ANKRD30A: variants seen among roughly 807,000 people sequenced by gnomAD.
The protein encoded by ANKRD30A is ankyrin repeat domain 30A.
A neutral mutation model predicts 166.3 loss-of-function variants in ANKRD30A; 170 were observed. That is an observed-to-expected ratio of 1.02 (90% CI 0.90 to 1.16). The LOEUF is 1.16. Ranked by LOEUF, ANKRD30A falls within the 50% of genes most tolerant of loss-of-function variation. ANKRD30A has a pLI of 0.00. For synonymous variants in ANKRD30A, 564 were observed against 508.9 expected (o/e 1.11, Z -1.46); for missense variants, 1,630 against 1,518.0 (o/e 1.07, Z -1.23).
At chr10:37,221,897 G>C (rs1842918831) in intron 34 of ANKRD30A, among the ~76,000 whole-genome samples, 2 of 151,294 alleles carry the variant, frequency 1.3e-5, no homozygotes, top group Admixed American at 6.6e-5. Context: ...ACATTATACT[G>C]TTCTCCAAAA....
intron 31 of ANKRD30A, among the ~76,000 whole-genome samples, chr10:37,215,979 T>A (rs1304484090): frequency 6.6e-6 from 1 of 151,392 alleles, no homozygotes; most frequent in African/African-American, 2.4e-5. Context: ...TTTCTGGGGC[T>A]TTGCTTTTCA....
At chr10:37,212,791 A>G (rs1842407226) in intron 31 of ANKRD30A, among the ~76,000 whole-genome samples, 1 of 151,952 alleles carries the variant, frequency 6.6e-6, no homozygotes, top group South Asian at 2.1e-4. Flanking sequence ...ATGGCCAGCT[A>G]GCTTTCCCAA....
At chr10:37,193,285 C>A in intron 27 of ANKRD30A, 27 bp downstream of exon 27, 2 of 1,594,396 alleles carry the variant, frequency 1.3e-6, no homozygotes, top group South Asian at 1.1e-5. Flanking sequence ...TAATTTTACT[C>A]TGGAAAGAAG....
chr10:37,207,747 A>G (rs1236014365), intron 31 of ANKRD30A, among the ~76,000 whole-genome samples: 2 of 152,020 alleles, frequency 1.3e-5, no homozygotes, highest in African/African-American at 2.4e-5. Context: ...AATATATTCA[A>G]TAAAGTGTTT....
At chr10:37,217,990 G>A in intron 33 of ANKRD30A, 112 bp downstream of exon 33, 1 of 706,004 alleles carries the variant, frequency 1.4e-6, no homozygotes, top group Non-Finnish European at 2.1e-6. Context: ...AAACAAAAAT[G>A]TTGTCTTAAA....
intron 15 of ANKRD30A, among the ~76,000 whole-genome samples, chr10:37,160,461 A>G (rs1232686914): frequency 6.6e-6 from 1 of 152,166 alleles, no homozygotes; most frequent in Non-Finnish European, 1.5e-5. Context: ...CCCCCGGTGT[A>G]TTTGTTGAAC....
chr10:37,259,943 C>T, the ANKRD30A span, among the ~76,000 whole-genome samples: 1 of 152,016 alleles, frequency 6.6e-6, no homozygotes, highest in African/African-American at 2.4e-5. Context: ...ACTAAATATA[C>T]AGAATTATTT....
At chr10:37,126,980 G>A (rs529400929) in intron 1 of ANKRD30A, among the ~76,000 whole-genome samples, 8 of 137,172 alleles carry the variant, frequency 5.8e-5, no homozygotes, top group African/African-American at 1.4e-4. Context: ...CCGGTAGGCG[G>A]AGATTGCAGA....
chr10:37,159,480 T>G (rs945150285), intron 15 of ANKRD30A, among the ~76,000 whole-genome samples: 1 of 152,086 alleles, frequency 6.6e-6, no homozygotes, highest in Non-Finnish European at 1.5e-5. Flanking sequence ...CTTTTGCCAC[T>G]TTAGCTTGAG....
the ANKRD30A span, among the ~76,000 whole-genome samples, chr10:37,261,029 C>T: frequency 3.2e-4 from 49 of 152,046 alleles, no homozygotes; most frequent in South Asian, 9.8e-3. Context: ...ACTTTACCCC[C>T]AAATGTAAAA....
intron 17 of ANKRD30A, 51 bp downstream of exon 17, chr10:37,162,899 T>C (rs1209304650): frequency 6.3e-7 from 1 of 1,587,328 alleles, no homozygotes; most frequent in Non-Finnish European, 8.6e-7. Flanking sequence ...ATATTGGACA[T>C]TTTGATGGTC....
chr10:37,129,983 C>T lies in ANKRD30A; in HGVS notation c.312C>T (p.Gly104=), dbSNP rs369569719. 5.4e-5 allele frequency: 85 copies of T among 1,570,956 alleles called. No homozygotes were observed. The East Asian group carries it at 7.9e-4, about 15-fold the overall frequency. The change falls in exon 2 of 36, where the codon GGC becomes GGT. Residue 104 remains glycine (G), a synonymous_variant. Coordinates refer to ENST00000361713, the MANE Select transcript of ANKRD30A (RefSeq NM_052997.3). The part of the protein sequence containing the change: ...DRKCQLDVLD[G]EHRTPLMKAL... ...AGTGCCAGCTTGACGTCCTTGATGG[C>T]GAACACAGGACACCTCTGATGAAGG... is the stretch of plus-strand genomic sequence containing the variant.
At chr10:37,163,900 A>G (rs17590659) in intron 17 of ANKRD30A, among the ~76,000 whole-genome samples, 34,585 of 105,392 alleles carry the variant, frequency 0.33, 11,545 homozygotes, top group African/African-American at 0.46. Context: ...ACATATTTAA[A>G]GTATTTCCTT....
Position 37,130,258 on chromosome 10 carries a change from C to T in ANKRD30A, c.390C>T (p.Ala130=), listed in dbSNP as rs551930220. ...CAAATATTCTGATAGATTCTGGTGCCGATATAAATCTCGTAGATGTGTATG... is the reference window on the plus strand; with the variant it reads ...CAAATATTCTGATAGATTCTGGTGCTGATATAAATCTCGTAGATGTGTATG... The part of the protein sequence containing the change: ...ACANILIDSG[A]DINLVDVYGN... Residue 130 remains alanine (A), a synonymous_variant, in exon 3 of 36, where the codon GCC becomes GCT. Coordinates refer to ENST00000361713, the MANE Select transcript of ANKRD30A (RefSeq NM_052997.3). 6.2e-5 allele frequency: 100 copies of T among 1,602,686 alleles called. No individual in the cohort carries two copies. The highest frequency in any genetic ancestry group is 1.2e-4 in the Admixed American group (7 of 57,924).
At chr10:37,153,877 C>G (rs1208852211) in intron 13 of ANKRD30A, among the ~76,000 whole-genome samples, 1 of 151,926 alleles carries the variant, frequency 6.6e-6, no homozygotes, top group Admixed American at 6.6e-5. Flanking sequence ...AGTTTGAATT[C>G]AAGATATTGC....
At chr10:37,126,767 G>A (rs1564458233) in intron 1 of ANKRD30A, among the ~76,000 whole-genome samples, 1 of 152,152 alleles carries the variant, frequency 6.6e-6, no homozygotes, top group Non-Finnish European at 1.5e-5. Context: ...CACAAGATGA[G>A]CCGGGAGTGG....
chr10:37,193,302 A>G lies in ANKRD30A; in HGVS notation c.2614+44A>G, dbSNP rs533668284. 31 of 1,568,984 alleles carry G rather than the reference A, an allele frequency of 2.0e-5. No homozygotes were observed. In the African/African-American group the frequency reaches 3.8e-4, roughly 19 times the overall value. The stretch of plus-strand genomic sequence containing the variant: ...ATTTTACTCTGGAAAGAAGAATATT[A>G]AAATATTTGAAATGCTGTGAGACTT... On this transcript the variant is annotated intron_variant, in intron 27 of 35. Transcript: ENST00000361713.
intron 28 of ANKRD30A, 39 bp downstream of exon 28, chr10:37,197,348 A>G (rs201084291): frequency 3.1e-6 from 5 of 1,594,702 alleles, no homozygotes; most frequent in Non-Finnish European, 2.6e-6. Context: ...TGACTTATTA[A>G]CTATGTATTT....
chr10:37,153,088 T>A (rs1016508494), intron 12 of ANKRD30A, among the ~76,000 whole-genome samples: 1 of 152,168 alleles, frequency 6.6e-6, no homozygotes, highest in Admixed American at 6.6e-5. Flanking sequence ...TGTGCATACA[T>A]TCTGTGACAG....
Sources: gnomAD v4.1 joint callset for allele counts (sites outside exome capture counted in the v4.1 genomes callset) on GRCh38, gnomAD v4.1.1 for gene constraint, MANE v1.5 for transcripts, NCBI Gene and HGNC (gene_info 2026-07-23, HGNC 2026-07-21) for gene names.